The following WDPCP variants were observed in gnomAD, a reference collection of about 807,000 sequenced individuals.
WDPCP encodes WD repeat containing planar cell polarity effector, also known as WD repeat-containing and planar cell polarity effector protein fritz homolog.
In WDPCP, 71 loss-of-function variants were observed where a neutral mutation model predicts 93.1. The ratio of observed to expected loss-of-function variants is 0.76; its 90% CI spans 0.63 to 0.93. The LOEUF (loss-of-function observed/expected upper bound fraction) is 0.93, where lower values mean the gene tolerates loss of function less well. WDPCP is among the 40% of genes least tolerant of loss of function. The pLI is 0.00. For missense variants in WDPCP, 844 were observed against 887.4 expected (o/e 0.95, Z 0.62); for synonymous variants, 315 against 315.0 (o/e 1.00, Z 0.00).
intron 10 of WDPCP, among the ~76,000 whole-genome samples, chr2:63,391,043 G>C (rs903705616): frequency 2.6e-5 from 4 of 152,118 alleles, no homozygotes; most frequent in Admixed American, 2.0e-4. Flanking sequence ...CATTTTATGA[G>C]GCCAGCATCA....
rs1444169850 is a variant in WDPCP, at chr2:63,484,925, C to G, written c.316G>C (p.Glu106Gln). ...AACTTTTTGAAAGATACCTCCAACT[C>G]TTTGAGCGAGTCTCGGAGTTTTTCT... Reference protein sequence around the residue: ...RPEKLRDSLKELEELMQNSRC... With the variant: ...RPEKLRDSLKQLEELMQNSRC... Residue 106 changes from glutamate (E) to glutamine (Q), a missense_variant, in exon 5 of 18, where the codon GAG (glutamate) becomes CAG (glutamine). Glu to Gln is a conservative substitution (Grantham distance 29, BLOSUM62 2). Transcript: ENST00000272321. 1.7e-5 allele frequency: 28 copies of G among 1,612,416 alleles called. No homozygotes were observed. The highest frequency in any genetic ancestry group is 2.0e-5 in the Non-Finnish European group (24 of 1,179,042).
intron 10 of WDPCP, among the ~76,000 whole-genome samples, chr2:63,382,839 T>G (rs564976767): frequency 1.9e-4 from 29 of 152,256 alleles, no homozygotes; most frequent in Non-Finnish European, 3.2e-4. Context: ...CTGACTATAC[T>G]AAGCAGTAAA....
chr2:63,537,711 G>C (rs1002070435), intron 1 of WDPCP, among the ~76,000 whole-genome samples: 2 of 152,118 alleles, frequency 1.3e-5, no homozygotes, highest in African/African-American at 4.8e-5. Flanking sequence ...TTTCTCCAGG[G>C]AGCTTTCCCC....
chr2:63,837,676 T>C, the WDPCP span, among the ~76,000 whole-genome samples: 1 of 152,250 alleles, frequency 6.6e-6, no homozygotes, highest in Non-Finnish European at 1.5e-5. Flanking sequence ...CACAGCTTAT[T>C]GTAAAGTCAT....
intron 12 of WDPCP, among the ~76,000 whole-genome samples, chr2:63,372,890 G>A (rs542217838): frequency 2.0e-5 from 3 of 152,236 alleles, no homozygotes; most frequent in East Asian, 3.9e-4. Context: ...TTGGGAGGCC[G>A]AGGCGGGTGA....
intron 3 of WDPCP, among the ~76,000 whole-genome samples, chr2:63,600,393 G>A (rs533469976): frequency 2.7e-4 from 41 of 152,084 alleles, no homozygotes; most frequent in Non-Finnish European, 4.9e-4. Flanking sequence ...CATAAATTAC[G>A]GAGCCACCTT....
Position 63,433,955 on chromosome 2 carries a change from C to G in WDPCP, c.634-19G>C. ...AGAAAATCTAACAATTTTAAAAAAGCATACATGAAACATTTCTTTTAAAAG... is the reference window on the plus strand; with the variant it reads ...AGAAAATCTAACAATTTTAAAAAAGGATACATGAAACATTTCTTTTAAAAG... On this transcript the variant is annotated intron_variant, in intron 8 of 17. Transcript: ENST00000272321. 1 of 1,610,118 alleles carries G rather than the reference C, an allele frequency of 6.2e-7. No individual in the cohort carries two copies. The highest frequency in any genetic ancestry group is 8.5e-7 in the Non-Finnish European group (1 of 1,177,146).
intron 1 of WDPCP, among the ~76,000 whole-genome samples, chr2:63,814,341 T>C (rs1670901590): frequency 6.6e-6 from 1 of 152,136 alleles, no homozygotes; most frequent in Non-Finnish European, 1.5e-5. Context: ...AAATATGTCT[T>C]TCCTGGTTTG....
At chr2:63,530,992 TAC>T (rs1353360547) in intron 1 of WDPCP, among the ~76,000 whole-genome samples, 1 of 152,224 alleles carries the variant, frequency 6.6e-6, no homozygotes, top group Non-Finnish European at 1.5e-5. Flanking sequence ...CCCGCCCTAA[TAC>T]TGTGCTTTTC....
intron 1 of WDPCP, among the ~76,000 whole-genome samples, chr2:63,517,106 A>G (rs1277855457): frequency 6.6e-6 from 1 of 151,984 alleles, no homozygotes; most frequent in African/African-American, 2.4e-5. Context: ...CTTCATCTCT[A>G]CTATTACCAC....
intron 6 of WDPCP, among the ~76,000 whole-genome samples, chr2:63,450,192 G>A (rs889910090): frequency 6.6e-6 from 1 of 152,192 alleles, no homozygotes; most frequent in Non-Finnish European, 1.5e-5. Flanking sequence ...GGCATAGTCA[G>A]TAAGTGAGCT....
At chr2:63,623,848 G>T (rs1709777619) in intron 3 of WDPCP, among the ~76,000 whole-genome samples, 1 of 152,102 alleles carries the variant, frequency 6.6e-6, no homozygotes. Context: ...TAATAGACAT[G>T]TTCAGAACCC....
In WDPCP at chr2:63,558,162, T is replaced by TA. The variant is rs796423500; in HGVS notation, c.75+30034dup. Among the ~76,000 whole-genome samples, 193 of 146,948 alleles carry TA rather than the reference T, an allele frequency of 1.3e-3. 1 individual carries two copies. Among genetic ancestry groups the TA allele is most frequent in the East Asian group, 4.9e-3 (25 of 5,076 alleles). On this transcript the variant is annotated intron_variant, in intron 1 of 17. Transcript: ENST00000272321. ...GGAGATAAGAGACATAAAAACCTCT[T>TA]AAAAAAAAAAATCAATGAATCCAGT...
intron 2 of WDPCP, among the ~76,000 whole-genome samples, chr2:63,691,541 G>A (rs927333411): frequency 6.6e-6 from 1 of 152,062 alleles, no homozygotes; most frequent in Non-Finnish European, 1.5e-5. Flanking sequence ...AGACTGAGGT[G>A]AAAGAATCGC....
chr2:63,609,493 A>G (rs1475508872), intron 3 of WDPCP, among the ~76,000 whole-genome samples: 1 of 152,214 alleles, frequency 6.6e-6, no homozygotes, highest in Non-Finnish European at 1.5e-5. Context: ...ATTACCTTCT[A>G]TCCACTTTAT....
At chr2:63,432,125 A>G (rs1294649609) in intron 9 of WDPCP, among the ~76,000 whole-genome samples, 2 of 152,292 alleles carry the variant, frequency 1.3e-5, no homozygotes, top group Middle Eastern at 3.4e-3. Context: ...TCCTTTTGGT[A>G]CTGTTACAGA....
At chr2:63,694,049 A>G (rs1218036921) in intron 2 of WDPCP, among the ~76,000 whole-genome samples, 2 of 152,208 alleles carry the variant, frequency 1.3e-5, no homozygotes, top group East Asian at 3.8e-4. Flanking sequence ...TTCTCTGCAC[A>G]TATTAAACCT....
In WDPCP at chr2:63,121,972, T is replaced by C. The variant is rs753777730; in HGVS notation, c.*34A>G. ...TGTATCAGGCCATGAAAAGTTTAGA[T>C]ATGAAGAAGGCAGTTTTCTTTTTTT... On this transcript the variant is annotated 3_prime_UTR_variant, in exon 18 of 18. Transcript: ENST00000272321. The C allele has an allele frequency of 1.9e-6, 3 of 1,612,686 alleles. No homozygotes were observed. Among genetic ancestry groups the C allele is most frequent in the Admixed American group, 1.7e-5 (1 of 59,890 alleles).
chr2:63,186,587 G>C (rs1238774525), intron 14 of WDPCP, among the ~76,000 whole-genome samples: 2 of 152,254 alleles, frequency 1.3e-5, no homozygotes, highest in East Asian at 1.9e-4. Flanking sequence ...AAGGGCCGAG[G>C]TAGTTTCCCA....
Sources: allele counts gnomAD v4.1 joint callset (sites outside exome capture counted in the v4.1 genomes callset), GRCh38; gene constraint gnomAD v4.1.1; transcripts MANE v1.5; gene names NCBI Gene and HGNC (gene_info 2026-07-23, HGNC 2026-07-21).